KLF7: variants seen among roughly 807,000 people sequenced by gnomAD.
The protein encoded by KLF7 is KLF transcription factor 7, also known as Krueppel-like factor 7.
KLF7 carries 2 observed loss-of-function variants against 27.3 expected under a neutral mutation model. The ratio of observed to expected loss-of-function variants is 0.07; its 90% confidence interval spans 0.03 to 0.23. The LOEUF is 0.23. KLF7 is among the 10% of genes least tolerant of loss of function. The pLI, the probability that KLF7 is intolerant of heterozygous loss-of-function variation, is 1.00. For missense variants in KLF7, 221 were observed against 394.1 expected (o/e 0.56, Z 3.72); for synonymous variants, 165 against 162.4 (o/e 1.02, Z -0.12).
chr2:207,150,997 T>TAAAAAAAA (rs34218929), intron 1 of KLF7, among the ~76,000 whole-genome samples: 3 of 90,330 alleles, frequency 3.3e-5, no homozygotes, highest in South Asian at 4.7e-4. Context: ...TTCTCTTTAT[T>TAAAAAAAA]AAAAAAAAAA....
At chr2:207,098,572 C>A (rs1012188719) in intron 2 of KLF7, among the ~76,000 whole-genome samples, 3 of 151,966 alleles carry the variant, frequency 2.0e-5, no homozygotes, top group Non-Finnish European at 2.9e-5. Flanking sequence ...GATCACCATA[C>A]AGCAGAGAAC....
At chr2:207,109,427 G>C (rs931641998) in intron 2 of KLF7, among the ~76,000 whole-genome samples, 25 of 152,182 alleles carry the variant, frequency 1.6e-4, no homozygotes, top group Admixed American at 2.6e-4. Context: ...AGGAAAAACA[G>C]AGTAGGGCAG....
chr2:207,114,031 G>A (rs911866544), intron 2 of KLF7, among the ~76,000 whole-genome samples: 1 of 152,078 alleles, frequency 6.6e-6, no homozygotes, highest in Admixed American at 6.6e-5. Context: ...TTTTTAAGTA[G>A]CCTATGATAC....
At chr2:207,112,106 A>T (rs918371753) in intron 2 of KLF7, among the ~76,000 whole-genome samples, 3 of 137,622 alleles carry the variant, frequency 2.2e-5, no homozygotes, top group Non-Finnish European at 4.8e-5. Context: ...TTGTCAAGTG[A>T]CAAAGGGATA....
chr2:207,110,766 T>A (rs2105936531), intron 2 of KLF7, among the ~76,000 whole-genome samples: 1 of 152,326 alleles, frequency 6.6e-6, no homozygotes, highest in Admixed American at 6.5e-5. Context: ...AATAATGCAA[T>A]ATTTCCATTT....
intron 3 of KLF7, among the ~76,000 whole-genome samples, chr2:207,082,423 A>C (rs1258193957): frequency 6.6e-6 from 1 of 152,214 alleles, no homozygotes; most frequent in African/African-American, 2.4e-5. Flanking sequence ...AGATGATAAT[A>C]TCAGAGAAGC....
At chr2:207,155,411 C>T (rs2078355796) in intron 1 of KLF7, among the ~76,000 whole-genome samples, 1 of 152,146 alleles carries the variant, frequency 6.6e-6, no homozygotes, top group Non-Finnish European at 1.5e-5. Flanking sequence ...TTCCTGTGCC[C>T]CATTTTCTCA....
At chr2:207,167,111 C>T (rs778947769), upstream of KLF7, 105 of 1,413,998 alleles carry the variant, frequency 7.4e-5, no homozygotes, top group Non-Finnish European at 6.3e-5. Context: ...CGGCAGCTTG[C>T]GAGGGGGCCT....
At chr2:207,103,972 C>T (rs1254339743) in intron 2 of KLF7, among the ~76,000 whole-genome samples, 1 of 152,190 alleles carries the variant, frequency 6.6e-6, no homozygotes, top group Non-Finnish European at 1.5e-5. Flanking sequence ...CTGCAATCAC[C>T]TGATTCTAGC....
chr2:207,167,067 G>A, upstream of KLF7: 3 of 1,301,010 alleles, frequency 2.3e-6, no homozygotes, highest in South Asian at 1.8e-5. Flanking sequence ...GAGGCTAGAG[G>A]GAGCCTAGGT....
chr2:207,108,805 C>T (rs17216549), intron 2 of KLF7, among the ~76,000 whole-genome samples: 37,194 of 152,116 alleles, frequency 0.24, 5,199 homozygotes, highest in Middle Eastern at 0.33. Flanking sequence ...ATATCCTCAA[C>T]TGGGCAAAAA....
upstream of KLF7, chr2:207,166,229 C>T (rs1038194339): frequency 1.5e-4 from 142 of 969,390 alleles, no homozygotes; most frequent in Non-Finnish European, 1.7e-4. Flanking sequence ...TCACTGAGGA[C>T]CAATGGGGAG....
intron 1 of KLF7, among the ~76,000 whole-genome samples, chr2:207,151,687 TCA>T (rs1208243972): frequency 4.6e-5 from 7 of 151,168 alleles, no homozygotes; most frequent in African/African-American, 1.7e-4. Context: ...AGTAGCTAAT[TCA>T]CACAGTCAAA....
chr2:207,166,952 C>G, upstream of KLF7: 2 of 885,652 alleles, frequency 2.3e-6, no homozygotes, highest in Non-Finnish European at 2.9e-6. Context: ...CCGCCGCCGC[C>G]GCCCTCCCTC....
chr2:207,103,070 G>C (rs1032746276), intron 2 of KLF7, among the ~76,000 whole-genome samples: 6 of 152,146 alleles, frequency 3.9e-5, no homozygotes, highest in African/African-American at 1.4e-4. Context: ...TGGGATTACA[G>C]GTGCCCGCCA....
chr2:207,155,795 C>T (rs1335847410), intron 1 of KLF7, among the ~76,000 whole-genome samples: 1 of 152,200 alleles, frequency 6.6e-6, no homozygotes, highest in Non-Finnish European at 1.5e-5. Flanking sequence ...CTGCACTTCA[C>T]TAACATGGTC....
At chr2:207,169,858 C>T (rs1316234781), upstream of KLF7, among the ~76,000 whole-genome samples, 2 of 151,954 alleles carry the variant, frequency 1.3e-5, no homozygotes, top group African/African-American at 4.8e-5. Context: ...TGTGTGTGTG[C>T]GTGCTAATTA....
intron 2 of KLF7, among the ~76,000 whole-genome samples, chr2:207,123,333 G>C (rs895526574): frequency 3.3e-5 from 5 of 152,186 alleles, no homozygotes; most frequent in African/African-American, 1.2e-4. Context: ...TGAAAAATCA[G>C]GATGCTGGGA....
At chr2:207,171,789 CAT>C (rs1395285061), upstream of KLF7, among the ~76,000 whole-genome samples, 1 of 152,208 alleles carries the variant, frequency 6.6e-6, no homozygotes, top group Non-Finnish European at 1.5e-5. Flanking sequence ...AAATATAACT[CAT>C]ATGCACTGGG....
Sources: gnomAD v4.1 joint callset for allele counts (sites outside exome capture counted in the v4.1 genomes callset) on GRCh38, gnomAD v4.1.1 for gene constraint, MANE v1.5 for transcripts, NCBI Gene and HGNC (gene_info 2026-07-23, HGNC 2026-07-21) for gene names.